The following RGS6 variants were observed in gnomAD, a reference collection of about 807,000 sequenced individuals.
RGS6 encodes regulator of G-protein signaling 6.
A neutral mutation model predicts 78.5 loss-of-function variants in RGS6; 30 were observed. That is an observed-to-expected ratio of 0.38 (90% CI 0.29 to 0.52). RGS6 has a LOEUF of 0.52. Ranked by LOEUF, RGS6 falls within the 20% of genes least tolerant of loss-of-function variation. RGS6 has a pLI of 0.85. For missense variants in RGS6, 495 were observed against 609.7 expected, an observed-to-expected ratio of 0.81 and a Z score of 1.98; for synonymous variants, 206 against 206.0, an observed-to-expected ratio of 1.00 and a Z score of 0.00.
At chr14:72,415,652 G>C (rs2153078553) in intron 3 of RGS6, among the ~76,000 whole-genome samples, 1 of 152,274 alleles carries the variant, frequency 6.6e-6, no homozygotes, top group Non-Finnish European at 1.5e-5. Context: ...CTGTAGACTG[G>C]AGCTGTTCCT....
At chr14:72,527,177 G>A (rs1258275215) in intron 15 of RGS6, among the ~76,000 whole-genome samples, 1 of 152,232 alleles carries the variant, frequency 6.6e-6, no homozygotes, top group Non-Finnish European at 1.5e-5. Flanking sequence ...ATTGCTAACA[G>A]CAGTGATAGT....
chr14:71,874,286 CT>C, the RGS6 span, among the ~76,000 whole-genome samples: 1 of 151,772 alleles, frequency 6.6e-6, no homozygotes, highest in Admixed American at 6.6e-5. Flanking sequence ...ATGGAATGTT[CT>C]TCCATTTGTT....
At chr14:72,004,605 G>T (rs1355203345) in intron 2 of RGS6, among the ~76,000 whole-genome samples, 1 of 152,136 alleles carries the variant, frequency 6.6e-6, no homozygotes, top group Non-Finnish European at 1.5e-5. Context: ...AGGCCAAGGT[G>T]GGTGGATTTC....
chr14:72,585,725 A>T, the RGS6 span, among the ~76,000 whole-genome samples: 2 of 152,042 alleles, frequency 1.3e-5, no homozygotes, highest in African/African-American at 2.4e-5. Flanking sequence ...TCTGGGTAGC[A>T]CGTCAAAACC....
chr14:72,030,913 T>C (rs549040658), intron 2 of RGS6, among the ~76,000 whole-genome samples: 1 of 152,234 alleles, frequency 6.6e-6, no homozygotes, highest in South Asian at 2.1e-4. Context: ...GCAGCTGATA[T>C]GGATTCTGGG....
intron 2 of RGS6, among the ~76,000 whole-genome samples, chr14:72,336,345 A>G (rs1484733245): frequency 6.6e-6 from 1 of 152,284 alleles, no homozygotes; most frequent in African/African-American, 2.4e-5. Flanking sequence ...TCTGGCATTC[A>G]TTCTTATCCC....
rs1567322598 is a variant in RGS6, at chr14:72,152,239, AGAGAGAGTGTGTGTGT to A, written c.84+187366_84+187381del. Among the ~76,000 whole-genome samples the A allele has an allele frequency of 1.4e-5, 2 of 142,452 alleles. 1 individual carries two copies. The highest frequency in any genetic ancestry group is 1.5e-4 in the Admixed American group (2 of 13,550). 93.5% of individuals were successfully genotyped at this position (142,452 alleles called of 152,430 possible). A position where few individuals can be genotyped will look rare whatever the true frequency, so the allele number is the denominator to read the frequency against. ...AGCTGCATGAGAGAGAGAGAGAGAGAGAGAGAGTGTGTGTGTGTGTGTGTGTGTGTGTGTGCGCATG... is the reference window on the plus strand; with the variant it reads ...AGCTGCATGAGAGAGAGAGAGAGAGAGTGTGTGTGTGTGTGTGTGCGCATG... On this transcript the variant is annotated intron_variant, in intron 2 of 17. Coordinates refer to ENST00000553525, the MANE Select transcript of RGS6 (RefSeq NM_001204424.2).
intron 2 of RGS6, among the ~76,000 whole-genome samples, chr14:72,120,540 A>G (rs551546761): frequency 8.9e-4 from 136 of 152,364 alleles, no homozygotes; most frequent in South Asian, 7.9e-3. Context: ...CAGCAGCCTT[A>G]TTCATAATAA....
At chr14:71,874,740 T>A in the RGS6 span, among the ~76,000 whole-genome samples, 1 of 152,214 alleles carries the variant, frequency 6.6e-6, no homozygotes, top group Admixed American at 6.5e-5. Flanking sequence ...AGGGAATGCT[T>A]CCAGTTTTTG....
At chr14:72,099,153 T>G (rs182477851) in intron 2 of RGS6, among the ~76,000 whole-genome samples, 1 of 152,280 alleles carries the variant, frequency 6.6e-6, no homozygotes, top group East Asian at 1.9e-4. Flanking sequence ...ATCTTACAGA[T>G]GAGCAGCAGT....
At chr14:72,119,337 T>G (rs2095989242) in intron 2 of RGS6, among the ~76,000 whole-genome samples, 1 of 152,196 alleles carries the variant, frequency 6.6e-6, no homozygotes, top group Non-Finnish European at 1.5e-5. Context: ...AAGCTACTGT[T>G]GAGTTTCATA....
intron 3 of RGS6, among the ~76,000 whole-genome samples, chr14:72,422,957 T>A (rs2094263917): frequency 6.6e-6 from 1 of 152,186 alleles, no homozygotes; most frequent in African/African-American, 2.4e-5. Context: ...TGCCGACACT[T>A]TGATTTTTAA....
intron 3 of RGS6, among the ~76,000 whole-genome samples, chr14:72,384,279 T>C (rs2087159758): frequency 6.6e-6 from 1 of 152,248 alleles, no homozygotes; most frequent in Non-Finnish European, 1.5e-5. Flanking sequence ...CATTTTACTG[T>C]TGCATTTGAA....
At chr14:72,237,493 G>T (rs2051419997) in intron 2 of RGS6, among the ~76,000 whole-genome samples, 2 of 152,130 alleles carry the variant, frequency 1.3e-5, no homozygotes, top group Non-Finnish European at 1.5e-5. Flanking sequence ...TTCCTCATCT[G>T]TTCTCAGATG....
intron 2 of RGS6, among the ~76,000 whole-genome samples, chr14:72,134,776 C>G (rs2096402964): frequency 6.6e-6 from 1 of 152,186 alleles, no homozygotes; most frequent in Non-Finnish European, 1.5e-5. Context: ...TCCCAAGAAC[C>G]AGGAGCTCCA....
At chr14:71,978,046 T>C (rs927050911) in intron 2 of RGS6, among the ~76,000 whole-genome samples, 2 of 151,532 alleles carry the variant, frequency 1.3e-5, no homozygotes, top group African/African-American at 4.8e-5. Flanking sequence ...AGTTCACTCA[T>C]GATTTGGCTC....
Position 72,327,753 on chromosome 14 carries a change from G to A in RGS6, c.85-24342G>A, listed in dbSNP as rs369602626. The stretch of plus-strand genomic sequence containing the variant: ...TGTCCCTCCTGACTGTGACTTAGCA[G>A]CCGTTTGTCACTGGAGATGTTTTAT... On this transcript the variant is annotated intron_variant, in intron 2 of 17. Coordinates refer to ENST00000553525, the MANE Select transcript of RGS6 (RefSeq NM_001204424.2). 4.6e-5 allele frequency among the ~76,000 whole-genome samples: 7 copies of A among 152,302 alleles called. No individual in the cohort carries two copies. In the South Asian group the frequency reaches 1.5e-3, roughly 32 times the overall value.
intron 2 of RGS6, among the ~76,000 whole-genome samples, chr14:72,131,203 C>T (rs1369994228): frequency 6.6e-6 from 1 of 152,186 alleles, no homozygotes; most frequent in Non-Finnish European, 1.5e-5. Context: ...GTTCTTTCAA[C>T]CCAATCTTGC....
chr14:72,293,943 C>T (rs1490242639), intron 2 of RGS6, among the ~76,000 whole-genome samples: 2 of 152,190 alleles, frequency 1.3e-5, no homozygotes, highest in African/African-American at 2.4e-5. Flanking sequence ...GGCCCACAGA[C>T]CCTCGTTTGC....
Sources: allele counts gnomAD v4.1 joint callset (sites outside exome capture counted in the v4.1 genomes callset), GRCh38; gene constraint gnomAD v4.1.1; transcripts MANE v1.5; gene names NCBI Gene and HGNC (gene_info 2026-07-23, HGNC 2026-07-21).